FLYWCH1: variants seen among roughly 807,000 people sequenced by gnomAD.
FLYWCH1 encodes the protein FLYWCH-type zinc finger-containing protein 1.
In FLYWCH1, 75 loss-of-function variants were observed where a neutral mutation model predicts 66.4. The ratio of observed to expected loss-of-function variants is 1.13; its 90% confidence interval spans 0.94 to 1.37. The LOEUF (loss-of-function observed/expected upper bound fraction) is 1.37. Ranked by LOEUF, FLYWCH1 falls within the 40% of genes most tolerant of loss-of-function variation. The pLI is 0.00. For synonymous variants in FLYWCH1, 595 were observed against 429.9 expected, an observed-to-expected ratio of 1.38 and a Z score of -4.75; for missense variants, 1,334 against 1,001.8, an observed-to-expected ratio of 1.33 and a Z score of -4.48.
intron 2 of FLYWCH1, chr16:2,922,797 G>T: frequency 1.9e-6 from 1 of 522,712 alleles, no homozygotes; most frequent in Non-Finnish European, 3.8e-6. Flanking sequence ...TTCACAGCCT[G>T]TTTGAGCTGG....
Position 2,938,607 on chromosome 16 carries a change from G to GTT in FLYWCH1, c.2050+173_2050+174dup, listed in dbSNP as rs35169451. The stretch of plus-strand genomic sequence containing the variant: ...TAAACAGAATGTGAAACCAGTCTTT[G>GTT]TTTTTTTTTTTTTTTTTTTTTTTGA... On this transcript the variant is annotated intron_variant, in intron 8 of 9. Transcript: ENST00000253928. Among the ~76,000 whole-genome samples the GTT allele has an allele frequency of 5.7e-3, 730 of 129,024 alleles. 5 individuals are homozygous for GTT. Among genetic ancestry groups the GTT allele is most frequent in the Non-Finnish European group, 8.2e-3 (499 of 60,910 alleles). The allele number at this position is 129,024 out of a possible 152,430, so 84.6% of individuals were successfully genotyped here.
intron 9 of FLYWCH1, among the ~76,000 whole-genome samples, chr16:2,946,676 C>G (rs185936534): frequency 2.0e-5 from 3 of 152,154 alleles, no homozygotes; most frequent in Admixed American, 6.6e-5. Context: ...GCCAAAGGAC[C>G]TGAATATATA....
chr16:2,929,802 C>T lies in FLYWCH1; in HGVS notation c.117C>T (p.Phe39=), dbSNP rs750875928. The change falls in exon 3 of 10, where the codon TTC becomes TTT. Residue 39 remains phenylalanine (F), a synonymous_variant. Transcript: ENST00000253928. ...IPAAPRKPRE[F]SKLVLLTASD... ...CAGCCCCCAGGAAGCCCAGGGAGTT[C>T]TCCAAACTGGTGCTGCTCACAGCCT... The T allele has an allele frequency of 1.2e-6, 2 of 1,613,972 alleles. No homozygotes were observed. Among genetic ancestry groups the T allele is most frequent in the Admixed American group, 1.7e-5 (1 of 60,028 alleles).
At position 2,945,071 on chromosome 16, in the gene FLYWCH1, C is replaced by T. The variant is rs935326460; in HGVS notation, c.2112-3617C>T. Among the ~76,000 whole-genome samples the T allele has an allele frequency of 3.1e-4, 47 of 151,178 alleles. 1 individual carries two copies. Among genetic ancestry groups the T allele is most frequent in the South Asian group, 1.0e-3 (5 of 4,768 alleles). The stretch of plus-strand genomic sequence containing the variant: ...TAAGCAAAAAATTCAAATCCTTGGC[C>T]GGGCATGGTGGCTCACACCTGTAAT... On this transcript the variant is annotated intron_variant, in intron 9 of 9. Transcript: ENST00000253928.
Position 2,938,291 on chromosome 16 carries a change from T to G in FLYWCH1, c.1885T>G (p.Trp629Gly), listed in dbSNP as rs764323274. Residue 629 changes from tryptophan (W) to glycine (G), a missense_variant, in exon 8 of 10, where the codon TGG becomes GGG. Coordinates refer to ENST00000253928, the MANE Select transcript of FLYWCH1 (RefSeq NM_001308068.2). The part of the protein sequence containing the change: ...KEKAAGEKVY[W>G]MCRDQARLGC... ...GAAGGCGGCTGGGGAGAAGGTGTAC[T>G]GGATGTGCCGGGACCAGGCTCGGCT... is the stretch of plus-strand genomic sequence containing the variant. 6 of 1,612,336 alleles carry G rather than the reference T, an allele frequency of 3.7e-6. No individual in the cohort carries two copies. Among genetic ancestry groups the G allele is most frequent in the Non-Finnish European group, 5.1e-6 (6 of 1,179,306 alleles).
intron 8 of FLYWCH1, among the ~76,000 whole-genome samples, chr16:2,939,538 C>T (rs8052743): frequency 0.49 from 53,390 of 108,540 alleles, 11,076 homozygotes; most frequent in African/African-American, 0.68. Context: ...TGGTGAAACC[C>T]TGTCTCTAAA....
intron 6 of FLYWCH1, 128 bp from the exon 7 acceptor site, chr16:2,936,993 C>T (rs1353619358): frequency 8.2e-5 from 76 of 925,418 alleles, no homozygotes; most frequent in Non-Finnish European, 1.0e-4. Flanking sequence ...CATCTGTGTC[C>T]TGGGCTCCGG....
chr16:2,921,075 C>T (rs1475496610), intron 2 of FLYWCH1, among the ~76,000 whole-genome samples: 1 of 149,094 alleles, frequency 6.7e-6, no homozygotes, highest in African/African-American at 2.5e-5. Flanking sequence ...TCTGCTGACC[C>T]CGTGATCTGC....
chr16:2,935,618 C>T (rs887688216), intron 6 of FLYWCH1: 5 of 152,106 alleles, frequency 3.3e-5, no homozygotes, highest in Non-Finnish European at 7.3e-5. Flanking sequence ...ATGTCTGTCG[C>T]TTCCCTCCGC....
intron 9 of FLYWCH1, among the ~76,000 whole-genome samples, chr16:2,941,847 C>G (rs1397265467): frequency 1.3e-5 from 2 of 151,410 alleles, no homozygotes; most frequent in Admixed American, 1.3e-4. Context: ...ATGGTGAAAC[C>G]CCATCTCTAC....
At position 2,950,088 on chromosome 16, in the gene FLYWCH1, G is replaced by A. The variant is rs567739961; in HGVS notation, c.*1361G>A. ...ACATTTGCGTCGTGTTGCTGGAAGA[G>A]GCAGGATGCTCTGTTCTCGCCATTA... On this transcript the variant is annotated 3_prime_UTR_variant, in exon 10 of 10. Coordinates refer to ENST00000253928, the MANE Select transcript of FLYWCH1 (RefSeq NM_001308068.2). The A allele has an allele frequency of 4.8e-4, 73 of 152,248 alleles. No individual in the cohort carries two copies. The highest frequency in any genetic ancestry group is 1.5e-3 in the African/African-American group (61 of 41,530). The allele number at this position is 152,248 out of a possible 1,614,324, so 9.4% of individuals were successfully genotyped here. A position where few individuals can be genotyped will look rare whatever the true frequency, so the allele number is the denominator to read the frequency against.
Position 2,933,776 on chromosome 16 carries a change from T to G in FLYWCH1, c.1310T>G (p.Leu437Arg), listed in dbSNP as rs1567338433. 1 of 1,613,076 alleles carries G rather than the reference T, an allele frequency of 6.2e-7. No individual in the cohort carries two copies. The highest frequency in any genetic ancestry group is 8.5e-7 in the Non-Finnish European group (1 of 1,179,632). ...GGSFLVYESF[L>R]YRREKAAGEK... ...AGCTTCCTGGTGTACGAGTCCTTCC[T>G]CTACCGGCGGGAGAAGGCGGCTGGG... is the stretch of plus-strand genomic sequence containing the variant. Residue 437 changes from leucine to arginine, a missense_variant, in exon 6 of 10, where the codon CTC (leucine) becomes CGC (arginine). By Grantham distance (102) the Leu-to-Arg change is moderately radical. Coordinates refer to ENST00000253928, the MANE Select transcript of FLYWCH1 (RefSeq NM_001308068.2).
At chr16:2,940,296 G>A in intron 9 of FLYWCH1, 1 of 519,616 alleles carries the variant, frequency 1.9e-6, no homozygotes, top group Non-Finnish European at 3.4e-6. Flanking sequence ...TGGAGGCCCT[G>A]CTCCTCACCA....
chr16:2,933,684 C>A (rs1331458132), intron 5 of FLYWCH1, 32 bp from the exon 6 acceptor site: 1 of 1,598,514 alleles, frequency 6.3e-7, no homozygotes, highest in East Asian at 2.2e-5. Flanking sequence ...AGCCCCTGTC[C>A]CCTCCCCTGA....
At chr16:2,936,558 G>T (rs2071010695) in intron 6 of FLYWCH1, 1 of 456,094 alleles carries the variant, frequency 2.2e-6, no homozygotes, top group South Asian at 1.5e-5. Context: ...CACCTCTGTG[G>T]CCCCTGAGCC....
At chr16:2,931,131 T>C (rs1338403760) in intron 4 of FLYWCH1, among the ~76,000 whole-genome samples, 6 of 151,358 alleles carry the variant, frequency 4.0e-5, no homozygotes, top group East Asian at 1.9e-4. Flanking sequence ...GGTGAAACCC[T>C]GTCTCTACTA....
intron 2 of FLYWCH1, among the ~76,000 whole-genome samples, chr16:2,925,614 C>A (rs1279717790): frequency 6.8e-6 from 1 of 147,622 alleles, no homozygotes; most frequent in Non-Finnish European, 1.5e-5. Context: ...CTAACCTTTT[C>A]CTGCCTGGAG....
chr16:2,946,159 G>C (rs547933546), intron 9 of FLYWCH1, among the ~76,000 whole-genome samples: 1 of 152,058 alleles, frequency 6.6e-6, no homozygotes, highest in Non-Finnish European at 1.5e-5. Context: ...TGAAGAAAGT[G>C]TTTAAAAATG....
At chr16:2,936,351 C>T (rs749652775) in intron 6 of FLYWCH1, 4 of 455,966 alleles carry the variant, frequency 8.8e-6, no homozygotes, top group South Asian at 6.2e-5. Context: ...CTGCTGTGCC[C>T]CTCAGGGTCC....
Sources: gnomAD v4.1 joint callset for allele counts (sites outside exome capture counted in the v4.1 genomes callset) on GRCh38, gnomAD v4.1.1 for gene constraint, MANE v1.5 for transcripts, NCBI Gene and HGNC (gene_info 2026-07-23, HGNC 2026-07-21) for gene names.